Variants in SUOX observed in about 807,000 individuals in gnomAD.
SUOX encodes the protein sulfite oxidase, also known as sulfite oxidase, mitochondrial.
Under a neutral mutation model 41.9 loss-of-function variants are expected in SUOX, and 39 were observed. That is an observed-to-expected ratio of 0.93 (90% CI 0.72 to 1.21). SUOX has a LOEUF of 1.21. Among genes scored for constraint, SUOX ranks in the 50% most tolerant of loss-of-function variants. The pLI, the probability that SUOX is intolerant of heterozygous loss-of-function variation, is 0.00. For missense variants in SUOX, 633 were observed against 689.5 expected, an observed-to-expected ratio of 0.92 and a Z score of 0.92; for synonymous variants, 220 against 268.4, an observed-to-expected ratio of 0.82 and a Z score of 1.76.
At chr12:56,000,309 C>T (rs190212795) in intron 2 of SUOX, among the ~76,000 whole-genome samples, 6 of 152,374 alleles carry the variant, frequency 3.9e-5, no homozygotes, top group East Asian at 1.9e-4. Context: ...AGCTAAGGCC[C>T]GGCGAGAAAT....
chr12:56,002,296 G>C, intron 3 of SUOX, 25 bp downstream of exon 3: 2 of 1,608,348 alleles, frequency 1.2e-6, no homozygotes, highest in Non-Finnish European at 1.7e-6. Context: ...CCCAGGACTT[G>C]CCTCCTAGCC....
At chr12:56,002,071 T>C (rs1890550711) in intron 2 of SUOX, 141 bp from the exon 3 acceptor site, 1 of 1,477,238 alleles carries the variant, frequency 6.8e-7, no homozygotes, top group African/African-American at 1.4e-5. Flanking sequence ...CCATTTGGAC[T>C]CCCACTCTCA....
chr12:55,998,705 A>C lies in SUOX; in HGVS notation c.-11+982A>C, dbSNP rs142788391. Among the ~76,000 whole-genome samples, 35 of 148,098 alleles carry C rather than the reference A, an allele frequency of 2.4e-4. 3 individuals are homozygous for C. In the East Asian group the frequency reaches 7.1e-3, roughly 30 times the overall value. On this transcript the variant is annotated intron_variant, in intron 2 of 4. Coordinates refer to ENST00000266971, the MANE Select transcript of SUOX (RefSeq NM_001032386.2). ...GCCAGGCTTGGTGACACACACTTGT[A>C]GTCCCAGCTGCTGGGGAGGCTAAGG...
intron 4 of SUOX, chr12:56,003,127 G>C (rs569968670): frequency 1.0e-5 from 3 of 286,238 alleles, no homozygotes; most frequent in African/African-American, 6.6e-5. Context: ...AGTTACCACA[G>C]AGTTCACAGT....
In SUOX at chr12:56,002,783, C is replaced by T. The variant is rs1279888950; in HGVS notation, c.228+63C>T. On this transcript the variant is annotated intron_variant, in intron 4 of 4. Transcript: ENST00000266971. Reference sequence around the variant, plus strand: ...GGTGCAGTGGCTCACGCCTGTTATCCCAGCACTATAGGAGGCCAAGGTGGG... The same window carrying T: ...GGTGCAGTGGCTCACGCCTGTTATCTCAGCACTATAGGAGGCCAAGGTGGG... 3 of 1,601,716 alleles carry T rather than the reference C, an allele frequency of 1.9e-6. No homozygotes were observed. The African/African-American group carries it at 4.0e-5, about 21-fold the overall frequency.
chr12:56,001,992 C>T, intron 2 of SUOX: 1 of 1,426,412 alleles, frequency 7.0e-7, no homozygotes, highest in Non-Finnish European at 9.2e-7. Flanking sequence ...ACCCCATTCC[C>T]CACCCGCATT....
chr12:56,000,489 G>C (rs1890475156), intron 2 of SUOX, among the ~76,000 whole-genome samples: 1 of 152,206 alleles, frequency 6.6e-6, no homozygotes, highest in African/African-American at 2.4e-5. Flanking sequence ...TGGCCCGCAA[G>C]CTCCGCGCTC....
At position 56,004,785 on chromosome 12, in the gene SUOX, G is replaced by A; in HGVS notation, c.1396G>A (p.Gly466Arg). 6.2e-7 allele frequency: 1 copy of A among 1,614,154 alleles called. No homozygotes were observed. Among genetic ancestry groups the A allele is most frequent in the South Asian group, 1.1e-5 (1 of 91,088 alleles). Residue 466 changes from glycine (G) to arginine (R), a missense_variant, in exon 5 of 5, where the codon GGG becomes AGG. Coordinates refer to ENST00000266971, the MANE Select transcript of SUOX (RefSeq NM_001032386.2). The surrounding 1 kb of genome is among the most constrained non-coding windows in gnomAD (Gnocchi z 4.5). ...AVIRVDVSLD[G>R]GLTWQVAKLD... ...GATCCGGGTGGATGTGTCTCTGGATGGGGGCCTAACCTGGCAGGTGGCTAA... is the reference window on the plus strand; with the variant it reads ...GATCCGGGTGGATGTGTCTCTGGATAGGGGCCTAACCTGGCAGGTGGCTAA...
At chr12:56,000,224 C>G (rs1042142254) in intron 2 of SUOX, among the ~76,000 whole-genome samples, 1 of 152,222 alleles carries the variant, frequency 6.6e-6, no homozygotes, top group African/African-American at 2.4e-5. Flanking sequence ...AGGCTTAGGC[C>G]CCACAGGAGC....
intron 4 of SUOX, chr12:56,002,934 C>A: frequency 1.9e-6 from 1 of 517,422 alleles, no homozygotes; most frequent in Non-Finnish European, 3.5e-6. Flanking sequence ...GGCTGAGACA[C>A]AAGAATCACT....
At position 56,005,040 on chromosome 12, in the gene SUOX, G is replaced by C. The variant is rs768356149; in HGVS notation, c.*13G>C. 1.9e-6 allele frequency: 3 copies of C among 1,607,274 alleles called. No individual in the cohort carries two copies. In the African/African-American group the frequency reaches 4.0e-5, roughly 21 times the overall value. ...TGTCTCCCCATGAGCATGGAAAGGA[G>C]CCACCTCCACCCCTTTCCCCACCCA... On this transcript the variant is annotated 3_prime_UTR_variant, in exon 5 of 5. Coordinates refer to ENST00000266971, the MANE Select transcript of SUOX (RefSeq NM_001032386.2).
intron 2 of SUOX, chr12:56,001,902 A>T (rs1890544089): frequency 8.0e-7 from 1 of 1,250,156 alleles, no homozygotes; most frequent in East Asian, 4.3e-5. Context: ...CGCCCCAGGC[A>T]TCGTTCTCTA....
rs1890685498 is a variant in SUOX, at chr12:56,004,848, G to A, written c.1459G>A (p.Ala487Thr). Residue 487 changes from alanine to threonine, a missense_variant, in exon 5 of 5, where the codon GCA (alanine) becomes ACA (threonine). Coordinates refer to ENST00000266971, the MANE Select transcript of SUOX (RefSeq NM_001032386.2). This position sits in a 1 kb window ranked among gnomAD's most constrained non-coding sequence, Gnocchi z 4.5. ...GEEQRPRKAWAWRLWQLKAPV... is the reference protein window; with the variant it reads ...GEEQRPRKAWTWRLWQLKAPV... The stretch of plus-strand genomic sequence containing the variant: ...GGAACAGCGCCCCAGGAAGGCCTGG[G>A]CATGGCGTCTGTGGCAGTTGAAAGC... 2 of 1,614,084 alleles carry A rather than the reference G, an allele frequency of 1.2e-6. No homozygotes were observed. The highest frequency in any genetic ancestry group is 1.1e-5 in the South Asian group (1 of 91,088).
At chr12:56,002,782 C>T (rs1232321008) in intron 4 of SUOX, 62 bp downstream of exon 4, 1 of 1,601,982 alleles carries the variant, frequency 6.2e-7, no homozygotes. Context: ...CGCCTGTTAT[C>T]CCAGCACTAT....
At chr12:56,002,835 G>A in intron 4 of SUOX, 115 bp downstream of exon 4, 1 of 1,247,834 alleles carries the variant, frequency 8.0e-7, no homozygotes, top group South Asian at 1.3e-5. Context: ...AGGAGTTTGA[G>A]ACCAGCCTGG....
Position 56,005,338 on chromosome 12 carries a change from A to T in SUOX, c.*311A>T. Reference sequence around the variant, plus strand: ...ACCTCCATTTCTAATGCCTACTGCCATCAAGGCCTTGTTTTGCTTTTCTTT... The same window carrying T: ...ACCTCCATTTCTAATGCCTACTGCCTTCAAGGCCTTGTTTTGCTTTTCTTT... On this transcript the variant is annotated 3_prime_UTR_variant, in exon 5 of 5. Transcript: ENST00000266971. 1.7e-6 allele frequency: 1 copy of T among 590,884 alleles called. No individual in the cohort carries two copies. Among genetic ancestry groups the T allele is most frequent in the Non-Finnish European group, 3.0e-6 (1 of 332,888 alleles). The allele number at this position is 590,884 out of a possible 1,614,324, so 36.6% of individuals were successfully genotyped here.
In SUOX at chr12:56,004,718, G is replaced by A. The variant is rs747749334; in HGVS notation, c.1329G>A (p.Val443=). Reference sequence around the variant, plus strand: ...GAGAGACTGTAGAATCAGGGGAGGTGACCATCAAGGGCTATGCATGGAGTG... The same window carrying A: ...GAGAGACTGTAGAATCAGGGGAGGTAACCATCAAGGGCTATGCATGGAGTG... The part of the protein sequence containing the change: ...RDGETVESGE[V]TIKGYAWSGG... Residue 443 remains valine (V), a synonymous_variant, in exon 5 of 5, where the codon GTG becomes GTA. Coordinates refer to ENST00000266971, the MANE Select transcript of SUOX (RefSeq NM_001032386.2). The surrounding 1 kb of genome is among the most constrained non-coding windows in gnomAD (Gnocchi z 4.5). 4.3e-6 allele frequency: 7 copies of A among 1,614,174 alleles called. No homozygotes were observed. The highest frequency in any genetic ancestry group is 5.9e-6 in the Non-Finnish European group (7 of 1,180,030).
At chr12:56,001,195 G>A (rs1890514297) in intron 2 of SUOX, 1 of 128,438 alleles carries the variant, frequency 7.8e-6, no homozygotes. Flanking sequence ...CGTGATCTCA[G>A]CTCACTGCAA....
intron 2 of SUOX, chr12:55,999,276 G>C (rs1890421566): frequency 6.6e-6 from 1 of 152,302 alleles, no homozygotes; most frequent in East Asian, 1.9e-4. Context: ...TCAGCCTCCA[G>C]AGTAGATGGG....
Sources: gnomAD v4.1 joint callset for allele counts (sites outside exome capture counted in the v4.1 genomes callset) on GRCh38, gnomAD v4.1.1 for gene constraint, Gnocchi (gnomAD v3.1) non-coding constraint, MANE v1.5 for transcripts, NCBI Gene and HGNC (gene_info 2026-07-23, HGNC 2026-07-21) for gene names.